Variants in XNDC1N observed in about 807,000 individuals in gnomAD.
XNDC1N encodes the protein XRCC1 N-terminal domain containing 1, N-terminal like.
At chr11:71,910,457 CCCCA>C in the XNDC1N span, among the ~76,000 whole-genome samples, 1 of 152,146 alleles carries the variant, frequency 6.6e-6, no homozygotes. Flanking sequence ...TCAAGAACTC[CCCCA>C]CCATCTTCGG....
At chr11:71,873,343 T>C in the XNDC1N span, among the ~76,000 whole-genome samples, 1 of 152,224 alleles carries the variant, frequency 6.6e-6, no homozygotes, top group Non-Finnish European at 1.5e-5. Context: ...TATTTTGTAT[T>C]CATTTTTATG....
the XNDC1N span, chr11:71,915,941 G>A: frequency 4.9e-4 from 292 of 595,850 alleles, 3 homozygotes; most frequent in South Asian, 5.6e-3. Flanking sequence ...TATCAAGCCC[G>A]TTGATACTTG....
the XNDC1N span, among the ~76,000 whole-genome samples, chr11:71,902,957 C>A: frequency 6.6e-6 from 1 of 152,172 alleles, no homozygotes. Context: ...GTCTCTAAGG[C>A]AGGTGTGTAC....
At chr11:71,887,882 T>C in the XNDC1N span, among the ~76,000 whole-genome samples, 2 of 152,208 alleles carry the variant, frequency 1.3e-5, no homozygotes, top group African/African-American at 4.8e-5. Flanking sequence ...AGATGCTTTC[T>C]TTCCTATCAG....
chr11:71,882,787 T>C, the XNDC1N span, among the ~76,000 whole-genome samples: 7 of 152,192 alleles, frequency 4.6e-5, no homozygotes, highest in Admixed American at 2.0e-4. Context: ...ATCCAAACTG[T>C]TGGGGGGTGG....
chr11:71,884,065 T>A, the XNDC1N span, among the ~76,000 whole-genome samples: 3 of 152,334 alleles, frequency 2.0e-5, no homozygotes, highest in East Asian at 5.8e-4. Context: ...ATGACTTTTT[T>A]AAGAATTTAA....
At chr11:71,868,298 CTA>C in the XNDC1N span, among the ~76,000 whole-genome samples, 1 of 152,110 alleles carries the variant, frequency 6.6e-6, no homozygotes, top group East Asian at 1.9e-4. Context: ...GTTAATATTG[CTA>C]TGTGTGGAGT....
At chr11:71,893,346 G>A in the XNDC1N span, 25 of 576,454 alleles carry the variant, frequency 4.3e-5, no homozygotes, top group African/African-American at 9.5e-5. Context: ...CATTGCTGGC[G>A]GTGTATGGTC....
chr11:71,901,492 C>T, the XNDC1N span, among the ~76,000 whole-genome samples: 2 of 151,344 alleles, frequency 1.3e-5, no homozygotes, highest in African/African-American at 4.9e-5. Context: ...TCAGCTACTT[C>T]GCAGGCTGAG....
chr11:71,889,960 G>C, the XNDC1N span, among the ~76,000 whole-genome samples: 195 of 152,308 alleles, frequency 1.3e-3, no homozygotes, highest in African/African-American at 4.3e-3. Flanking sequence ...GATCGGCTCA[G>C]ACAACGGGCC....
the XNDC1N span, chr11:71,916,586 TG>T: frequency 3.2e-5 from 8 of 246,364 alleles, no homozygotes; most frequent in Admixed American, 2.4e-4. Flanking sequence ...AAGGACCCAG[TG>T]GATTACCTGA....
the XNDC1N span, among the ~76,000 whole-genome samples, chr11:71,908,701 G>A: frequency 8.5e-5 from 13 of 152,242 alleles, no homozygotes; most frequent in East Asian, 7.7e-4. Flanking sequence ...TTTGCTCCAA[G>A]CTGTTATCCA....
the XNDC1N span, among the ~76,000 whole-genome samples, chr11:71,904,884 C>A: frequency 6.6e-6 from 1 of 151,858 alleles, no homozygotes; most frequent in Admixed American, 6.6e-5. Context: ...ACATGATATA[C>A]ACCCTGGTGC....
At chr11:71,917,639 C>A in the XNDC1N span, 1 of 703,570 alleles carries the variant, frequency 1.4e-6, no homozygotes, top group Non-Finnish European at 2.6e-6. Context: ...AACATGCGGA[C>A]CCCGGAGCGG....
chr11:71,914,852 T>C, the XNDC1N span, among the ~76,000 whole-genome samples: 2 of 152,160 alleles, frequency 1.3e-5, no homozygotes, highest in African/African-American at 2.4e-5. Context: ...CTGGTGAAGA[T>C]GCTGCAAACA....
chr11:71,898,391 A>G, the XNDC1N span, among the ~76,000 whole-genome samples: 1 of 151,970 alleles, frequency 6.6e-6, no homozygotes. Context: ...CGGATCACTT[A>G]AGCTCAGGAG....
At chr11:71,927,393 C>T in the XNDC1N span, among the ~76,000 whole-genome samples, 6 of 151,996 alleles carry the variant, frequency 3.9e-5, no homozygotes, top group East Asian at 1.9e-4. Flanking sequence ...CGTGGTGGCG[C>T]GTACGTAGTC....
the XNDC1N span, chr11:71,918,957 G>A: frequency 1.4e-6 from 1 of 702,972 alleles, no homozygotes; most frequent in Non-Finnish European, 2.6e-6. Flanking sequence ...CTCTTGTCCT[G>A]AGGGCAGCCG....
the XNDC1N span, among the ~76,000 whole-genome samples, chr11:71,911,145 G>A: frequency 6.6e-6 from 1 of 152,236 alleles, no homozygotes; most frequent in Admixed American, 6.5e-5. Context: ...GCAAGTACAA[G>A]AAGCAAATAA....
Sources: gnomAD v4.1 joint callset for allele counts (sites outside exome capture counted in the v4.1 genomes callset) on GRCh38, gnomAD v4.1.1 for gene constraint, MANE v1.5 for transcripts, NCBI Gene and HGNC (gene_info 2026-07-23, HGNC 2026-07-21) for gene names.